Variants in SHC2 observed in about 807,000 individuals in gnomAD.
SHC2 encodes SHC-transforming protein 2.
Under a neutral mutation model 60.6 loss-of-function variants are expected in SHC2, and 62 were observed. That is an observed-to-expected ratio of 1.02 (90% CI 0.83 to 1.26). The LOEUF (loss-of-function observed/expected upper bound fraction) is 1.26, where lower values mean the gene tolerates loss of function less well. SHC2 is among the 50% of genes most tolerant of loss of function. The probability of loss-of-function intolerance (pLI) is 0.00; values close to 1 mark genes in which losing one functional copy is unlikely to be tolerated. For missense variants in SHC2, 873 were observed against 822.2 expected, an observed-to-expected ratio of 1.06 and a Z score of -0.76; for synonymous variants, 375 against 372.4, an observed-to-expected ratio of 1.01 and a Z score of -0.08.
chr19:427,494 C>T (rs1334759110), intron 9 of SHC2, among the ~76,000 whole-genome samples: 1 of 146,628 alleles, frequency 6.8e-6, no homozygotes, highest in Non-Finnish European at 1.5e-5. Context: ...GAATTGCACA[C>T]GGCACAGGGA....
chr19:459,828 A>G (rs1327138509), intron 1 of SHC2, among the ~76,000 whole-genome samples: 8 of 152,174 alleles, frequency 5.3e-5, no homozygotes, highest in Admixed American at 3.9e-4. Context: ...GCTGTAGGAC[A>G]GCTGCTCTCT....
At chr19:435,181 A>G (rs369767046) in intron 7 of SHC2, among the ~76,000 whole-genome samples, 2 of 152,374 alleles carry the variant, frequency 1.3e-5, no homozygotes, top group East Asian at 3.9e-4. Flanking sequence ...GTTTATACCC[A>G]GAACCAGGAC....
intron 1 of SHC2, among the ~76,000 whole-genome samples, chr19:443,768 A>AGATGGGTGGATGGATGGATG (rs1974977361): frequency 2.2e-5 from 2 of 89,498 alleles, no homozygotes; most frequent in Non-Finnish European, 4.6e-5. Flanking sequence ...ATGGGTGGAC[A>AGATGGGTGGATGGATGGATG]GATGGGTGGA....
Position 441,158 on chromosome 19 carries a change from T to C in SHC2, c.469-226A>G. ...CAGGCATGTTTTTCTGTGTTGCTGT[T>C]TCTCAGGAGCCTGGTGGTTCCCCCA... is the stretch of plus-strand genomic sequence containing the variant. On this transcript the variant is annotated intron_variant, in intron 1 of 12. Transcript: ENST00000264554. The surrounding 1 kb of genome is among the most constrained non-coding windows in gnomAD (Gnocchi z 4.9). The C allele has an allele frequency of 1.0e-6, 1 of 985,106 alleles. No homozygotes were observed. The highest frequency in any genetic ancestry group is 1.2e-6 in the Non-Finnish European group (1 of 829,866). The allele number at this position is 985,106 out of a possible 1,614,324, so 61.0% of individuals were successfully genotyped here.
At chr19:449,393 G>A (rs2145745038) in intron 1 of SHC2, among the ~76,000 whole-genome samples, 1 of 152,096 alleles carries the variant, frequency 6.6e-6, no homozygotes, top group African/African-American at 2.4e-5. Context: ...ATGGCTAAAT[G>A]CAATGTGGGA....
Position 436,681 on chromosome 19 carries a change from G to T in SHC2, c.723C>A (p.Val241=). The T allele has an allele frequency of 6.2e-7, 1 of 1,605,136 alleles. No individual in the cohort carries two copies. The highest frequency in any genetic ancestry group is 8.5e-7 in the Non-Finnish European group (1 of 1,179,196). ...LSLSVPATRQ[V]IANHHMPSIS... is the part of the protein sequence containing the mutation. ...TGGACGGCATGTGGTGGTTGGCGAT[G>T]ACCTGTGGCGGCAGGAGGCACACGC... The change falls in exon 5 of 13, where the codon GTC becomes GTA. Residue 241 remains valine, a splice_region_variant and synonymous_variant. Coordinates refer to ENST00000264554, the MANE Select transcript of SHC2 (RefSeq NM_012435.3).
chr19:434,588 G>A (rs1974672740), intron 8 of SHC2, 121 bp downstream of exon 8: 1 of 938,442 alleles, frequency 1.1e-6, no homozygotes, highest in Non-Finnish European at 1.5e-6. Context: ...GAGTGAGTCT[G>A]AGTGAGAGAC....
chr19:420,339 G>A (rs908312861), intron 11 of SHC2, among the ~76,000 whole-genome samples: 2 of 152,126 alleles, frequency 1.3e-5, no homozygotes, highest in Non-Finnish European at 2.9e-5. Context: ...GCCCGCCGCC[G>A]TGTGCTTCAC....
intron 4 of SHC2, among the ~76,000 whole-genome samples, chr19:437,428 G>A (rs1035448516): frequency 1.3e-5 from 2 of 151,900 alleles, no homozygotes; most frequent in East Asian, 1.9e-4. Flanking sequence ...TTTGCTTCCC[G>A]TCACTCAAAT....
chr19:425,549 C>G lies in SHC2; in HGVS notation c.1175-318G>C, dbSNP rs534358152. ...CACCCCACCCCGCCCTGGCCCTCCC[C>G]GGCCCAGGGTCCAGAGCTTCCCAGT... is the stretch of plus-strand genomic sequence containing the variant. On this transcript the variant is annotated intron_variant, in intron 9 of 12. Transcript: ENST00000264554. The surrounding 1 kb of genome is among the most constrained non-coding windows in gnomAD (Gnocchi z 4.1). 1.0e-3 allele frequency among the ~76,000 whole-genome samples: 159 copies of G among 152,332 alleles called. No homozygotes were observed. Among genetic ancestry groups the G allele is most frequent in the African/African-American group, 3.8e-3 (156 of 41,576 alleles).
intron 9 of SHC2, among the ~76,000 whole-genome samples, chr19:429,339 G>A (rs1974504824): frequency 2.0e-5 from 3 of 149,378 alleles, no homozygotes; most frequent in Non-Finnish European, 3.0e-5. Flanking sequence ...GGATGACGCA[G>A]TACCTATACC....
intron 1 of SHC2, among the ~76,000 whole-genome samples, chr19:450,813 C>T (rs147726027): frequency 0.04 from 6,075 of 150,206 alleles, 195 homozygotes; most frequent in African/African-American, 0.085. Context: ...GCCGTGGCCA[C>T]GTCATATTTC....
intron 1 of SHC2, among the ~76,000 whole-genome samples, chr19:442,870 G>A (rs1318100223): frequency 7.0e-6 from 1 of 142,646 alleles, no homozygotes; most frequent in Non-Finnish European, 1.5e-5. Context: ...TGGGTGGGTG[G>A]ATAGATGAGT....
At chr19:443,644 G>T (rs1481007988) in intron 1 of SHC2, among the ~76,000 whole-genome samples, 1 of 145,736 alleles carries the variant, frequency 6.9e-6, no homozygotes, top group Non-Finnish European at 1.5e-5. Flanking sequence ...ACAGATGGAT[G>T]GTTGGATGGG....
At chr19:428,098 G>A (rs551349609) in intron 9 of SHC2, among the ~76,000 whole-genome samples, 2 of 152,298 alleles carry the variant, frequency 1.3e-5, no homozygotes, top group African/African-American at 4.8e-5. Context: ...AGTGACGCAC[G>A]CCTGTGGTTC....
Position 446,239 on chromosome 19 carries a change from G to A in SHC2, c.469-5307C>T, listed in dbSNP as rs140822577. Among the ~76,000 whole-genome samples the A allele has an allele frequency of 2.6e-5, 4 of 152,198 alleles. No individual in the cohort carries two copies. The highest frequency in any genetic ancestry group is 1.9e-4 in the East Asian group (1 of 5,176). ...ACCAGCCCTGCCCACACCTTGGCTC[G>A]GACGTTGGGCCCCAGAACTGTGACA... On this transcript the variant is annotated intron_variant, in intron 1 of 12. Transcript: ENST00000264554. The surrounding 1 kb of genome is among the most constrained non-coding windows in gnomAD (Gnocchi z 5.4).
At position 460,973 on chromosome 19, in the gene SHC2, G is replaced by C. The variant is rs2145771123; in HGVS notation, c.24C>G (p.Arg8=). 12 of 979,910 alleles carry C rather than the reference G, an allele frequency of 1.2e-5. No homozygotes were observed. Among genetic ancestry groups the C allele is most frequent in the Non-Finnish European group, 1.1e-5 (9 of 825,328 alleles). 60.7% of individuals were successfully genotyped at this position (979,910 alleles called of 1,614,324 possible). Residue 8 remains arginine (R), a synonymous_variant, in exon 1 of 13, where the codon CGC becomes CGG. Coordinates refer to ENST00000264554, the MANE Select transcript of SHC2 (RefSeq NM_012435.3). ...GGGGCGCGGGGGGCGCCGGGGGCGCGCGCCCGCCCGGACCCTGCGTCATGG... is the reference window on the plus strand; with the variant it reads ...GGGGCGCGGGGGGCGCCGGGGGCGCCCGCCCGCCCGGACCCTGCGTCATGG... MTQGPGG[R]APPAPPAPPE...
chr19:458,583 GT>G (rs1975443410), intron 1 of SHC2, among the ~76,000 whole-genome samples: 2 of 142,114 alleles, frequency 1.4e-5, no homozygotes, highest in African/African-American at 2.6e-5. Flanking sequence ...GCGGAAGCGG[GT>G]TCCGGGGGAC....
intron 9 of SHC2, among the ~76,000 whole-genome samples, chr19:427,730 AG>A (rs1255875309): frequency 3.6e-5 from 3 of 83,306 alleles, no homozygotes; most frequent in African/African-American, 1.6e-4. Context: ...GGCACAGGGA[AG>A]GGGGAACTGC....
Sources: allele counts gnomAD v4.1 joint callset (sites outside exome capture counted in the v4.1 genomes callset), GRCh38; gene constraint gnomAD v4.1.1; non-coding constraint Gnocchi (gnomAD v3.1); transcripts MANE v1.5; gene names NCBI Gene and HGNC (gene_info 2026-07-23, HGNC 2026-07-21).